Variants in ZFP36L1 observed in about 807,000 individuals in gnomAD.
ZFP36L1 encodes the protein ZFP36 like 1 zinc finger CCCH-type.
ZFP36L1 carries 4 observed loss-of-function variants against 16.7 expected under a neutral mutation model. That is an observed-to-expected ratio of 0.24 (90% CI 0.12 to 0.55). The LOEUF is 0.55. Among genes scored for constraint, ZFP36L1 ranks in the 20% least tolerant of loss-of-function variants. The pLI is 0.94. For missense variants in ZFP36L1, 311 were observed against 449.2 expected (o/e 0.69, Z 2.78); for synonymous variants, 220 against 190.8 (o/e 1.15, Z -1.26).
chr14:68,792,545 G>T (rs570093419), intron 1 of ZFP36L1, among the ~76,000 whole-genome samples: 2 of 152,062 alleles, frequency 1.3e-5, no homozygotes, highest in Admixed American at 1.3e-4. Context: ...GCAAACCTGG[G>T]ATCCAGCAGC....
chr14:68,787,930 C>CT lies in ZFP36L1; in HGVS notation c.*1602dup, dbSNP rs35263356. ...GGCACGTGGAAGTCAAAGGGTTTCT[C>CT]TTTTTTTTTTTTTCCCCTTTTAGAA... On this transcript the variant is annotated 3_prime_UTR_variant, in exon 2 of 2. Transcript: ENST00000439696. 65,129 of 145,564 alleles carry CT rather than the reference C, an allele frequency of 0.45. 14,602 individuals carry two copies. The highest frequency in any genetic ancestry group is 0.64 in the East Asian group (3,299 of 5,194). 9.0% of individuals were successfully genotyped at this position (145,564 alleles called of 1,614,324 possible).
intron 1 of ZFP36L1, 42 bp downstream of exon 1, chr14:68,792,840 G>T: frequency 6.2e-7 from 1 of 1,613,414 alleles, no homozygotes; most frequent in Non-Finnish European, 8.5e-7. Flanking sequence ...TAAGGCAAAA[G>T]AAAAAGACTT....
chr14:68,796,023 T>C, upstream of ZFP36L1: 1 of 1,325,778 alleles, frequency 7.5e-7, no homozygotes, highest in Admixed American at 2.2e-5. Flanking sequence ...CGCGGTGCAT[T>C]CCGCCCTCCC....
upstream of ZFP36L1, chr14:68,793,532 G>A (rs1895168279): frequency 1.0e-6 from 1 of 985,830 alleles, no homozygotes. Context: ...CAGGAAGGCG[G>A]GCTCGACTTT....
At chr14:68,793,400 C>T, upstream of ZFP36L1, 1 of 1,001,324 alleles carries the variant, frequency 1.0e-6, no homozygotes. Flanking sequence ...CTCTCCGGGG[C>T]CGCGCGGGCG....
At position 68,788,736 on chromosome 14, in the gene ZFP36L1, AG is replaced by A. The variant is rs990664117; in HGVS notation, c.*796del. On this transcript the variant is annotated 3_prime_UTR_variant, in exon 2 of 2. Coordinates refer to ENST00000439696, the MANE Select transcript of ZFP36L1 (RefSeq NM_004926.4). ...TCCCCTTCCTCCCCACTTAAAAAAAAGAAAAAATTAAATCACAAAGTCCCAC... is the reference window on the plus strand; with the variant it reads ...TCCCCTTCCTCCCCACTTAAAAAAAAAAAAAATTAAATCACAAAGTCCCAC... 3 of 152,694 alleles carry A rather than the reference AG, an allele frequency of 2.0e-5. No individual in the cohort carries two copies. The highest frequency in any genetic ancestry group is 7.2e-5 in the African/African-American group (3 of 41,420). The allele number at this position is 152,694 out of a possible 1,614,324, so 9.5% of individuals were successfully genotyped here.
intron 1 of ZFP36L1, 96 bp downstream of exon 1, chr14:68,792,786 T>C (rs1895133858): frequency 2.0e-6 from 3 of 1,523,738 alleles, no homozygotes; most frequent in African/African-American, 1.4e-5. Context: ...CTGCACCACT[T>C]TCCCCATTGC....
chr14:68,792,739 C>A, intron 1 of ZFP36L1, 143 bp downstream of exon 1: 3 of 1,245,456 alleles, frequency 2.4e-6, no homozygotes, highest in African/African-American at 1.5e-5. Flanking sequence ...TTCCTTCAAA[C>A]TTGGGAGAAA....
intron 1 of ZFP36L1, among the ~76,000 whole-genome samples, chr14:68,792,267 C>A (rs552310406): frequency 6.6e-6 from 1 of 150,866 alleles, no homozygotes; most frequent in African/African-American, 2.4e-5. Context: ...GCCTCTTTCA[C>A]CCCAAAGTTT....
chr14:68,792,390 T>G (rs2140211820), intron 1 of ZFP36L1, among the ~76,000 whole-genome samples: 1 of 152,236 alleles, frequency 6.6e-6, no homozygotes, highest in African/African-American at 2.4e-5. Context: ...CCTTTCTTCC[T>G]CGCATATCCC....
At position 68,790,418 on chromosome 14, in the gene ZFP36L1, A is replaced by T. The variant is rs757612191; in HGVS notation, c.132T>A (p.Pro44=). 1.9e-6 allele frequency: 3 copies of T among 1,614,024 alleles called. No individual in the cohort carries two copies. The highest frequency in any genetic ancestry group is 2.5e-6 in the Non-Finnish European group (3 of 1,179,954). Residue 44 remains proline, a synonymous_variant, in exon 2 of 2, where the codon CCT becomes CCA. Coordinates refer to ENST00000439696, the MANE Select transcript of ZFP36L1 (RefSeq NM_004926.4). ...GCCTCCGAGGGAAGCCCCCACCAGC[A>T]GGGGTGCCCACTGCCTTTCTGTCCA... The part of the protein sequence containing the change: ...CLLDRKAVGT[P]AGGGFPRRHS...
chr14:68,793,573 C>T (rs10443), upstream of ZFP36L1: 240,704 of 985,774 alleles, frequency 0.24, 31,011 homozygotes, highest in South Asian at 0.29. Flanking sequence ...TGAAGCCCGT[C>T]CTTAGCGCCC....
upstream of ZFP36L1, chr14:68,794,560 C>T (rs1319153648): frequency 6.6e-6 from 1 of 152,362 alleles, no homozygotes; most frequent in East Asian, 1.9e-4. Context: ...CCCCCTCGGC[C>T]CTCGCACGTT....
chr14:68,789,413 T>C lies in ZFP36L1; in HGVS notation c.*120A>G, dbSNP rs1409503448. ...ATTCTGAGGTGCTGGGGGAAAGGGG[T>C]TGAGCTTAACCTTGTTAATGTAGGG... On this transcript the variant is annotated 3_prime_UTR_variant, in exon 2 of 2. Transcript: ENST00000439696. This position sits in a 1 kb window ranked among gnomAD's most constrained non-coding sequence, Gnocchi z 4.5. 6.9e-6 allele frequency: 10 copies of C among 1,457,906 alleles called. No individual in the cohort carries two copies. Among genetic ancestry groups the C allele is most frequent in the South Asian group, 2.6e-5 (2 of 77,832 alleles). 90.3% of individuals were successfully genotyped at this position (1,457,906 alleles called of 1,614,324 possible).
chr14:68,793,471 C>T (rs17106298), upstream of ZFP36L1: 648 of 988,598 alleles, frequency 6.6e-4, 1 homozygote, highest in East Asian at 9.5e-3. Flanking sequence ...TGACGTCACT[C>T]ATTCCACTCC....
chr14:68,790,383 G>GT lies in ZFP36L1; in HGVS notation c.166dup (p.Thr56AsnfsTer19). On this transcript the variant is annotated frameshift_variant, in exon 2 of 2. Coordinates refer to ENST00000439696, the MANE Select transcript of ZFP36L1 (RefSeq NM_004926.4). LOFTEE classifies it high-confidence loss of function. Reference sequence around the variant, plus strand: ...CTGGTGGAACTTGGAGCTGGGCAGGGTGACTGAGTGCCTCCGAGGGAAGCC... The same window carrying GT: ...CTGGTGGAACTTGGAGCTGGGCAGGGTTGACTGAGTGCCTCCGAGGGAAGCC... The GT allele has an allele frequency of 6.2e-7, 1 of 1,613,750 alleles. No homozygotes were observed. Among genetic ancestry groups the GT allele is most frequent in the Non-Finnish European group, 8.5e-7 (1 of 1,179,896 alleles).
chr14:68,793,221 G>A (rs1895155595), upstream of ZFP36L1: 1 of 519,144 alleles, frequency 1.9e-6, no homozygotes, highest in Non-Finnish European at 2.5e-6. Context: ...GGGAGGGGGG[G>A]CAGGGGGAGG....
intron 1 of ZFP36L1, among the ~76,000 whole-genome samples, chr14:68,791,676 A>G (rs568880965): frequency 6.6e-6 from 1 of 152,158 alleles, no homozygotes; most frequent in East Asian, 1.9e-4. Flanking sequence ...GGGCCAAAGA[A>G]AGAAATAGAT....
chr14:68,792,059 TG>T (rs1895089732), intron 1 of ZFP36L1, among the ~76,000 whole-genome samples: 2 of 152,342 alleles, frequency 1.3e-5, no homozygotes, highest in African/African-American at 4.8e-5. Context: ...ACCGCAGTCC[TG>T]GAACATTCCG....
Sources: gnomAD v4.1 joint callset for allele counts (sites outside exome capture counted in the v4.1 genomes callset) on GRCh38, gnomAD v4.1.1 for gene constraint, Gnocchi (gnomAD v3.1) non-coding constraint, MANE v1.5 for transcripts, NCBI Gene and HGNC (gene_info 2026-07-23, HGNC 2026-07-21) for gene names.